Variants in CTXN3 observed in about 807,000 individuals in gnomAD.
CTXN3 encodes the protein cortexin 3, also known as cortexin-3.
CTXN3 carries 4 observed loss-of-function variants against 5.0 expected under a neutral mutation model. The observed-to-expected ratio is 0.79, with a 90% confidence interval of 0.39 to 1.82. The LOEUF is 1.82. Ranked by LOEUF, CTXN3 falls within the 40% of genes most tolerant of loss-of-function variation. The pLI is 0.04. For missense variants in CTXN3, 89 were observed against 99.7 expected (o/e 0.89, Z 0.46); for synonymous variants, 48 against 38.6 (o/e 1.24, Z -0.91).
intron 1 of CTXN3, among the ~76,000 whole-genome samples, chr5:127,651,337 T>A (rs1459804209): frequency 6.6e-6 from 1 of 152,098 alleles, no homozygotes; most frequent in Non-Finnish European, 1.5e-5. Context: ...ACTGCAATTA[T>A]GTGGTTTAGG....
Position 127,658,128 on chromosome 5 carries a change from C to A in CTXN3, c.*361C>A, listed in dbSNP as rs1749958614. 1 of 242,484 alleles carries A rather than the reference C, an allele frequency of 4.1e-6. No homozygotes were observed. Among genetic ancestry groups the A allele is most frequent in the Non-Finnish European group, 8.7e-6 (1 of 114,934 alleles). 15.0% of individuals were successfully genotyped at this position (242,484 alleles called of 1,614,324 possible). ...AGACTAGAAAGGATCTCATATGAATCTGGTGACAAGGCCAGGAAGAGATTT... is the reference window on the plus strand; with the variant it reads ...AGACTAGAAAGGATCTCATATGAATATGGTGACAAGGCCAGGAAGAGATTT... On this transcript the variant is annotated 3_prime_UTR_variant, in exon 3 of 3. Transcript: ENST00000379445.
chr5:127,651,141 A>G (rs1041341941), intron 1 of CTXN3, among the ~76,000 whole-genome samples: 1 of 152,160 alleles, frequency 6.6e-6, no homozygotes, highest in East Asian at 1.9e-4. Context: ...AGTCTGCCAG[A>G]TAAATATAAA....
At chr5:127,655,547 A>G (rs554842356) in intron 2 of CTXN3, among the ~76,000 whole-genome samples, 132 of 152,306 alleles carry the variant, frequency 8.7e-4, no homozygotes, top group African/African-American at 3.0e-3. Context: ...ATGATTAAGT[A>G]TAGTTTGAAT....
chr5:127,655,170 G>T (rs982231569), intron 2 of CTXN3, among the ~76,000 whole-genome samples: 4 of 152,178 alleles, frequency 2.6e-5, no homozygotes, highest in African/African-American at 9.6e-5. Flanking sequence ...GGCTGAGGCA[G>T]GAGAATCACT....
chr5:127,657,419 G>A lies in CTXN3; in HGVS notation c.-99-4G>A. 7.5e-7 allele frequency: 1 copy of A among 1,327,718 alleles called. No individual in the cohort carries two copies. The highest frequency in any genetic ancestry group is 2.1e-5 in the Admixed American group (1 of 48,252). 82.2% of individuals were successfully genotyped at this position (1,327,718 alleles called of 1,614,324 possible). A position where few individuals can be genotyped will look rare whatever the true frequency, so the allele number is the denominator to read the frequency against. ...TATTCCTTTCCCTTCCTTTTTCCCTGCAGATAACTCAGCCTCTCCAGAGTG... is the reference window on the plus strand; with the variant it reads ...TATTCCTTTCCCTTCCTTTTTCCCTACAGATAACTCAGCCTCTCCAGAGTG... On this transcript the variant is annotated splice_polypyrimidine_tract_variant and splice_region_variant and intron_variant, in intron 2 of 2. Transcript: ENST00000379445.
intron 2 of CTXN3, chr5:127,653,827 T>C (rs565617207): frequency 6.6e-6 from 1 of 152,350 alleles, no homozygotes; most frequent in Admixed American, 6.5e-5. Context: ...TTCCAGGGAT[T>C]TCAATCAGTC....
chr5:127,656,444 C>A (rs751106574), intron 2 of CTXN3, among the ~76,000 whole-genome samples: 12 of 152,250 alleles, frequency 7.9e-5, no homozygotes, highest in African/African-American at 2.6e-4. Flanking sequence ...ACTGAATAGT[C>A]TTAAATGGTA....
rs541268870 is a variant in CTXN3 at position 127,658,560 on chromosome 5, C to T, written c.*793C>T. 6.0e-6 allele frequency: 1 copy of T among 166,826 alleles called. No individual in the cohort carries two copies. Among genetic ancestry groups the T allele is most frequent in the East Asian group, 1.9e-4 (1 of 5,182 alleles). 10.3% of individuals were successfully genotyped at this position (166,826 alleles called of 1,614,324 possible). A position where few individuals can be genotyped will look rare whatever the true frequency, so the allele number is the denominator to read the frequency against. The stretch of plus-strand genomic sequence containing the variant: ...AAAGTTAATTGTTTAGAGGAGAAGA[C>T]TTTTATAGTCTTCAGAGGAATGTGT... On this transcript the variant is annotated 3_prime_UTR_variant, in exon 3 of 3. Transcript: ENST00000379445.
intron 1 of CTXN3, among the ~76,000 whole-genome samples, chr5:127,651,242 T>A (rs1484113984): frequency 6.6e-6 from 1 of 152,234 alleles, no homozygotes; most frequent in East Asian, 1.9e-4. Context: ...CCTTGCTCAA[T>A]GGATGGGCTG....
At chr5:127,654,250 TA>T (rs35241648) in intron 2 of CTXN3, among the ~76,000 whole-genome samples, 3 of 152,198 alleles carry the variant, frequency 2.0e-5, no homozygotes, top group Non-Finnish European at 4.4e-5. Flanking sequence ...TACAGAGTTT[TA>T]AAAATTCTTT....
At chr5:127,652,275 C>A (rs903120808) in intron 1 of CTXN3, 2 of 152,198 alleles carry the variant, frequency 1.3e-5, no homozygotes, top group Admixed American at 6.5e-5. Context: ...GGTCCAGCAC[C>A]TCAGTCCGGC....
rs570410424 is a variant in CTXN3 at position 127,657,592 on chromosome 5, C to A, written c.71C>A (p.Ser24Tyr). The A allele has an allele frequency of 4.3e-6, 7 of 1,614,168 alleles. No individual in the cohort carries two copies. The highest frequency in any genetic ancestry group is 1.3e-5 in the African/African-American group (1 of 75,048). ...LGNESADSSM[S>Y]LEQKMTFVFV... ...AACGAATCAGCAGATTCTAGCATGTCCCTGGAGCAGAAAATGACATTTGTT... is the reference window on the plus strand; with the variant it reads ...AACGAATCAGCAGATTCTAGCATGTACCTGGAGCAGAAAATGACATTTGTT... Residue 24 changes from serine (S) to tyrosine (Y), a missense_variant, in exon 3 of 3, where the codon TCC (serine) becomes TAC (tyrosine). Physicochemically the swap from Ser to Tyr is moderately radical, Grantham distance 144. Transcript: ENST00000379445.
At chr5:127,650,178 G>C (rs759143428) in intron 1 of CTXN3, among the ~76,000 whole-genome samples, 2 of 152,106 alleles carry the variant, frequency 1.3e-5, no homozygotes, top group Non-Finnish European at 2.9e-5. Flanking sequence ...AAGCAGCAGT[G>C]AGTTGAGAAT....
intron 1 of CTXN3, among the ~76,000 whole-genome samples, chr5:127,652,585 A>T (rs1307207832): frequency 1.3e-5 from 2 of 152,042 alleles, no homozygotes. Flanking sequence ...CCCACCGAGA[A>T]GTGGGTATTT....
At position 127,658,146 on chromosome 5, in the gene CTXN3, A is replaced by G. The variant is rs248708; in HGVS notation, c.*379A>G. 0.38 allele frequency: 85,258 copies of G among 225,556 alleles called. 16,849 individuals are homozygous for G. Among genetic ancestry groups the G allele is most frequent in the Middle Eastern group, 0.44 (228 of 520 alleles). The allele number at this position is 225,556 out of a possible 1,614,324, so 14.0% of individuals were successfully genotyped here. On this transcript the variant is annotated 3_prime_UTR_variant, in exon 3 of 3. Coordinates refer to ENST00000379445, the MANE Select transcript of CTXN3 (RefSeq NM_001048252.3). ...TATGAATCTGGTGACAAGGCCAGGAAGAGATTTCCTTGCTCTAATTATGTC... is the reference window on the plus strand; with the variant it reads ...TATGAATCTGGTGACAAGGCCAGGAGGAGATTTCCTTGCTCTAATTATGTC...
At chr5:127,653,881 T>C (rs1001650279) in intron 2 of CTXN3, among the ~76,000 whole-genome samples, 22 of 152,164 alleles carry the variant, frequency 1.4e-4, no homozygotes, top group African/African-American at 5.1e-4. Context: ...TCTGGATCTC[T>C]TTATCCCTTT....
Position 127,657,436 on chromosome 5 carries a change from T to C in CTXN3, c.-86T>C. On this transcript the variant is annotated 5_prime_UTR_variant, in exon 3 of 3. Transcript: ENST00000379445. ...TTTTCCCTGCAGATAACTCAGCCTC[T>C]CCAGAGTGCAGCCACCATGACCTCC... is the stretch of plus-strand genomic sequence containing the variant. 2 of 1,508,944 alleles carry C rather than the reference T, an allele frequency of 1.3e-6. No homozygotes were observed. The highest frequency in any genetic ancestry group is 1.8e-6 in the Non-Finnish European group (2 of 1,107,094). 93.5% of individuals were successfully genotyped at this position (1,508,944 alleles called of 1,614,324 possible). A position where few individuals can be genotyped will look rare whatever the true frequency, so the allele number is the denominator to read the frequency against.
intron 1 of CTXN3, among the ~76,000 whole-genome samples, chr5:127,650,328 T>A (rs1749758749): frequency 6.6e-6 from 1 of 152,154 alleles, no homozygotes; most frequent in African/African-American, 2.4e-5. Context: ...GCTGAAGACA[T>A]CCTCATGTTT....
At chr5:127,650,353 C>T (rs145968155) in intron 1 of CTXN3, among the ~76,000 whole-genome samples, 8 of 152,190 alleles carry the variant, frequency 5.3e-5, no homozygotes, top group Admixed American at 1.3e-4. Flanking sequence ...AATCATTGTT[C>T]GTAGGCTTTC....
Sources: gnomAD v4.1 joint callset for allele counts (sites outside exome capture counted in the v4.1 genomes callset) on GRCh38, gnomAD v4.1.1 for gene constraint, MANE v1.5 for transcripts, NCBI Gene and HGNC (gene_info 2026-07-23, HGNC 2026-07-21) for gene names.